The following ZNF215 variants were observed in gnomAD, a reference collection of about 807,000 sequenced individuals.
ZNF215 encodes BWSCR2-associated zinc finger protein 2.
In ZNF215, 24 loss-of-function variants were observed where a neutral mutation model predicts 27.2. That is an observed-to-expected ratio of 0.88 (90% confidence interval 0.64 to 1.24). ZNF215 has a LOEUF of 1.24. Ranked by LOEUF, ZNF215 falls within the 50% of genes most tolerant of loss-of-function variation. The pLI is 0.00. For missense variants in ZNF215, 675 were observed against 605.7 expected, an observed-to-expected ratio of 1.11 and a Z score of -1.20; for synonymous variants, 210 against 204.0, an observed-to-expected ratio of 1.03 and a Z score of -0.25.
intron 6 of ZNF215, among the ~76,000 whole-genome samples, chr11:6,952,384 T>C (rs1419789751): frequency 6.6e-6 from 1 of 152,160 alleles, no homozygotes; most frequent in African/African-American, 2.4e-5. Flanking sequence ...TCTTTGTAGG[T>C]CACTCAGGAC....
chr11:6,955,365 C>G (rs937062001), intron 6 of ZNF215, among the ~76,000 whole-genome samples: 1 of 152,182 alleles, frequency 6.6e-6, no homozygotes, highest in African/African-American at 2.4e-5. Context: ...TAGGCAGAGA[C>G]TTCATACACT....
At chr11:6,945,173 A>G (rs1849775495) in intron 6 of ZNF215, among the ~76,000 whole-genome samples, 1 of 152,230 alleles carries the variant, frequency 6.6e-6, no homozygotes, top group South Asian at 2.1e-4. Context: ...ACTTACCCGA[A>G]TTCTTTATTA....
intron 3 of ZNF215, among the ~76,000 whole-genome samples, chr11:6,933,306 G>A (rs533439497): frequency 2.0e-5 from 3 of 152,342 alleles, no homozygotes; most frequent in Non-Finnish European, 2.9e-5. Context: ...GAATTTGGGA[G>A]TGGGGGAGAA....
chr11:6,953,094 C>A (rs554187704), intron 6 of ZNF215, among the ~76,000 whole-genome samples: 5,044 of 152,170 alleles, frequency 0.033, 240 homozygotes, highest in African/African-American at 0.11. Context: ...GAGTTTCTGC[C>A]AAGAGATCCG....
intron 6 of ZNF215, 75 bp from the exon 7 acceptor site, chr11:6,955,615 C>G: frequency 2.0e-6 from 3 of 1,496,490 alleles, no homozygotes; most frequent in Non-Finnish European, 2.7e-6. Context: ...ATGCATATAC[C>G]TTATACAGTT....
chr11:6,932,029 T>A (rs1182336136), intron 2 of ZNF215, 65 bp from the exon 3 acceptor site: 1 of 378,110 alleles, frequency 2.6e-6, no homozygotes, highest in Non-Finnish European at 4.7e-6. Flanking sequence ...TTTAATAATA[T>A]TTGTGTTTTA....
chr11:6,941,332 C>T (rs190154469), intron 3 of ZNF215, among the ~76,000 whole-genome samples: 1 of 152,152 alleles, frequency 6.6e-6, no homozygotes, highest in African/African-American at 2.4e-5. Flanking sequence ...TTTTGTCCCT[C>T]TTTCTGATTC....
chr11:6,933,929 T>C (rs1849352396), intron 3 of ZNF215, among the ~76,000 whole-genome samples: 1 of 152,126 alleles, frequency 6.6e-6, no homozygotes, highest in Non-Finnish European at 1.5e-5. Context: ...GTCCAGTTTT[T>C]AAGGGAATAG....
chr11:6,954,198 T>G (rs1479331346), intron 6 of ZNF215, among the ~76,000 whole-genome samples: 2 of 73,018 alleles, frequency 2.7e-5, no homozygotes, highest in African/African-American at 8.2e-5. Flanking sequence ...AGGGACCCAC[T>G]TGAGGAGGCA....
At chr11:6,942,773 G>T (rs775264904) in intron 4 of ZNF215, among the ~76,000 whole-genome samples, 3 of 152,184 alleles carry the variant, frequency 2.0e-5, no homozygotes, top group Non-Finnish European at 4.4e-5. Context: ...GTAAGGCATA[G>T]TAATTTTTTG....
At chr11:6,946,928 C>T (rs998261862) in intron 6 of ZNF215, among the ~76,000 whole-genome samples, 1 of 152,090 alleles carries the variant, frequency 6.6e-6, no homozygotes, top group Non-Finnish European at 1.5e-5. Flanking sequence ...TAGTAAAGGG[C>T]TGTTTATGTG....
chr11:6,969,154 T>A (rs568455929), intron 5 of ZNF215, among the ~76,000 whole-genome samples: 1 of 152,186 alleles, frequency 6.6e-6, no homozygotes, highest in Admixed American at 6.5e-5. Context: ...ATTTATTCCA[T>A]GTCCTTATGC....
chr11:6,986,470 G>A (rs536656134), downstream of ZNF215, among the ~76,000 whole-genome samples: 55 of 151,266 alleles, frequency 3.6e-4, no homozygotes, highest in South Asian at 6.3e-4. Context: ...TTGGCCTTGG[G>A]AAATAATTTA....
Position 6,969,484 on chromosome 11 carries a change from CTA to C in ZNF215, c.805+13704_805+13705del, listed in dbSNP as rs142638669. 4.6e-5 allele frequency among the ~76,000 whole-genome samples: 7 copies of C among 151,754 alleles called. No homozygotes were observed. In the East Asian group the frequency reaches 1.4e-3, roughly 29 times the overall value. ...AAAAGCAAACAAGAAAATTTTCAAC[CTA>C]TGTGTACAAATAACTTGAATGTACT... On this transcript the variant is annotated intron_variant, in intron 5 of 5. Coordinates refer to the ZNF215 transcript ENST00000529903.
chr11:6,984,578 G>T (rs1851024436), exon 6 of ZNF215: 1 of 152,390 alleles, frequency 6.6e-6, no homozygotes, highest in South Asian at 2.1e-4. Context: ...ATCAGTAAAA[G>T]ACTAAGTCAT....
downstream of ZNF215, among the ~76,000 whole-genome samples, chr11:6,987,366 A>C (rs1288937923): frequency 2.6e-5 from 4 of 152,170 alleles, no homozygotes; most frequent in Non-Finnish European, 5.9e-5. Flanking sequence ...ACTGGGGAAT[A>C]CAAGAGGTGG....
At chr11:6,990,307 G>C (rs773094631), downstream of ZNF215, among the ~76,000 whole-genome samples, 2 of 152,096 alleles carry the variant, frequency 1.3e-5, no homozygotes, top group Non-Finnish European at 2.9e-5. Flanking sequence ...CAATGGTGAA[G>C]GGAAATCTTT....
chr11:6,963,827 A>G (rs1405231949), intron 5 of ZNF215, among the ~76,000 whole-genome samples: 1 of 152,094 alleles, frequency 6.6e-6, no homozygotes, highest in Non-Finnish European at 1.5e-5. Flanking sequence ...GCTATGGTGT[A>G]CTAGAATAAG....
chr11:6,962,578 G>A (rs1359459571), downstream of ZNF215, among the ~76,000 whole-genome samples: 1 of 152,122 alleles, frequency 6.6e-6, no homozygotes. Context: ...AAGTGGAAGT[G>A]TATTTTTTAA....
Sources: allele counts gnomAD v4.1 joint callset (sites outside exome capture counted in the v4.1 genomes callset), GRCh38; gene constraint gnomAD v4.1.1; transcripts MANE v1.5; gene names NCBI Gene and HGNC (gene_info 2026-07-23, HGNC 2026-07-21).